Variants in RECQL5 observed in about 807,000 individuals in gnomAD.
The protein encoded by RECQL5 is RecQ like helicase 5, also known as ATP-dependent DNA helicase Q5.
A neutral mutation model predicts 103.4 loss-of-function variants in RECQL5; 88 were observed. That is an observed-to-expected ratio of 0.85 (90% CI 0.72 to 1.02). RECQL5 has a LOEUF of 1.02. Among genes scored for constraint, RECQL5 ranks in the 50% least tolerant of loss-of-function variants. The pLI, the probability that RECQL5 is intolerant of heterozygous loss-of-function variation, is 0.00. For synonymous variants in RECQL5, 552 were observed against 507.9 expected (o/e 1.09, Z -1.17); for missense variants, 1,232 against 1,284.3 (o/e 0.96, Z 0.62).
intron 2 of RECQL5, 59 bp from the exon 3 acceptor site, chr17:75,665,231 G>A (rs914212569): frequency 4.0e-6 from 6 of 1,517,724 alleles, no homozygotes; most frequent in Middle Eastern, 3.4e-4. Context: ...TGAAGTTGTT[G>A]AAAATTAAAT....
Position 75,640,422 on chromosome 17 carries a change from T to G in RECQL5, c.1230-8754A>C, listed in dbSNP as rs1599018319. On this transcript the variant is annotated intron_variant, in intron 8 of 19. Transcript: ENST00000317905. The surrounding 1 kb of genome is among the most constrained non-coding windows in gnomAD (Gnocchi z 4.6). ...CCAGAGGGCTGGCAGAGGTGGCGGG[T>G]GTCTGCCGGATCAAGGAGGAAAACC... is the stretch of plus-strand genomic sequence containing the variant. The G allele has an allele frequency of 3.9e-4, 555 of 1,436,352 alleles. No individual in the cohort carries two copies. The highest frequency in any genetic ancestry group is 4.6e-4 in the Non-Finnish European group (501 of 1,086,858). The allele number at this position is 1,436,352 out of a possible 1,614,324, so 89.0% of individuals were successfully genotyped here.
chr17:75,656,356 G>A (rs1213385246), intron 7 of RECQL5, among the ~76,000 whole-genome samples: 3 of 152,152 alleles, frequency 2.0e-5, no homozygotes, highest in Non-Finnish European at 4.4e-5. Context: ...GGGATTACAG[G>A]CGTGAGCCAC....
At chr17:75,644,540 G>A (rs570780991) in intron 8 of RECQL5, among the ~76,000 whole-genome samples, 2 of 151,570 alleles carry the variant, frequency 1.3e-5, no homozygotes, top group South Asian at 2.1e-4. Context: ...GGGCATGACA[G>A]TGGCACTGCA....
chr17:75,666,627 T>C (rs2059787560), intron 1 of RECQL5, 56 bp from the exon 2 acceptor site: 1 of 1,532,804 alleles, frequency 6.5e-7, no homozygotes, highest in East Asian at 2.3e-5. Context: ...CCCTCTGTTT[T>C]GCATTAAAAA....
chr17:75,631,357 T>C (rs950949397), intron 9 of RECQL5, 93 bp downstream of exon 9: 8 of 1,527,892 alleles, frequency 5.2e-6, no homozygotes, highest in African/African-American at 4.1e-5. Flanking sequence ...CAAGGGGGGA[T>C]TGCGGCATCG....
chr17:75,646,831 A>T (rs1444357790), intron 8 of RECQL5: 1 of 152,812 alleles, frequency 6.5e-6, no homozygotes, highest in East Asian at 1.9e-4. Context: ...TCACCTGGCT[A>T]TGGGCTTGCA....
rs576156310 is a variant in RECQL5, at chr17:75,662,272, G to A, written c.771+207C>T. On this transcript the variant is annotated intron_variant, in intron 4 of 19. Coordinates refer to ENST00000317905, the MANE Select transcript of RECQL5 (RefSeq NM_004259.7). ...GAGGCATCACACAGACTGGCTGGCTGCTTGCCTTCCACAGGATCCAGAACA... is the reference window on the plus strand; with the variant it reads ...GAGGCATCACACAGACTGGCTGGCTACTTGCCTTCCACAGGATCCAGAACA... 1.5e-4 allele frequency among the ~76,000 whole-genome samples: 23 copies of A among 152,334 alleles called. No homozygotes were observed. In the East Asian group the frequency reaches 4.2e-3, roughly 28 times the overall value.
Position 75,640,863 on chromosome 17 carries a change from G to A in RECQL5, c.1230-9195C>T, listed in dbSNP as rs1267191931. ...CACTGCTGCTGCCCTGAGCGGAGAG[G>A]CAGGAAGGTCCAGGTGCAGCCGACA... On this transcript the variant is annotated intron_variant, in intron 8 of 19. Coordinates refer to ENST00000317905, the MANE Select transcript of RECQL5 (RefSeq NM_004259.7). The surrounding 1 kb of genome is among the most constrained non-coding windows in gnomAD (Gnocchi z 4.6). The A allele has an allele frequency of 1.3e-6, 2 of 1,548,000 alleles. No individual in the cohort carries two copies. The highest frequency in any genetic ancestry group is 1.7e-6 in the Non-Finnish European group (2 of 1,146,990).
intron 8 of RECQL5, chr17:75,634,360 C>A (rs2059278946): frequency 1.8e-6 from 1 of 558,086 alleles, no homozygotes; most frequent in South Asian, 7.9e-5. Flanking sequence ...GCCTCCTGCA[C>A]ACACCTGCAC....
At chr17:75,635,807 G>A (rs1352304020) in intron 8 of RECQL5, 5 of 985,342 alleles carry the variant, frequency 5.1e-6, no homozygotes, top group South Asian at 4.7e-5. Context: ...AACACACCTC[G>A]CTTATCAGTC....
In RECQL5 at chr17:75,664,746, C is replaced by T. The variant is rs868304232; in HGVS notation, c.252+305G>A. On this transcript the variant is annotated intron_variant, in intron 3 of 19. Transcript: ENST00000317905. Reference sequence around the variant, plus strand: ...TGGCCAACATGGTGAAACCTCATCTCTACTAAAAATACAAAAATTAGCCGG... The same window carrying T: ...TGGCCAACATGGTGAAACCTCATCTTTACTAAAAATACAAAAATTAGCCGG... 2.6e-5 allele frequency among the ~76,000 whole-genome samples: 4 copies of T among 151,762 alleles called. No homozygotes were observed. In the Middle Eastern group the frequency reaches 0.01, roughly 387 times the overall value.
intron 7 of RECQL5, among the ~76,000 whole-genome samples, chr17:75,657,657 G>A (rs1476637087): frequency 6.7e-6 from 1 of 149,712 alleles, no homozygotes; most frequent in Non-Finnish European, 1.5e-5. Flanking sequence ...AAGGTGGGAA[G>A]ATTATTTATG....
Position 75,656,522 on chromosome 17 carries a change from A to AT in RECQL5, c.1149+1775dup, listed in dbSNP as rs547776703. On this transcript the variant is annotated intron_variant, in intron 7 of 19. Coordinates refer to ENST00000317905, the MANE Select transcript of RECQL5 (RefSeq NM_004259.7). ...ATGGTAATGTGGAGAAAAGCTACTG[A>AT]TTTTTTTTTTCCTTGGCTCTCATCT... Among the ~76,000 whole-genome samples, 238 of 145,758 alleles carry AT rather than the reference A, an allele frequency of 1.6e-3. 1 individual carries two copies. The highest frequency in any genetic ancestry group is 4.9e-3 in the African/African-American group (199 of 40,406).
intron 7 of RECQL5, among the ~76,000 whole-genome samples, chr17:75,656,865 C>T (rs1378431961): frequency 6.6e-6 from 1 of 151,588 alleles, no homozygotes. Context: ...CTGCCCCAAC[C>T]TCCCAAGTAG....
chr17:75,640,723 T>C lies in RECQL5; in HGVS notation c.1230-9055A>G. The C allele has an allele frequency of 2.0e-6, 3 of 1,523,030 alleles. No homozygotes were observed. Among genetic ancestry groups the C allele is most frequent in the Non-Finnish European group, 1.8e-6 (2 of 1,130,012 alleles). The allele number at this position is 1,523,030 out of a possible 1,614,324, so 94.3% of individuals were successfully genotyped here. ...AAGACCCTGGCAGGCAGTGGGTTTC[T>C]CTGGGAGGAGGGTGGGCATCCTTTC... On this transcript the variant is annotated intron_variant, in intron 8 of 19. Coordinates refer to ENST00000317905, the MANE Select transcript of RECQL5 (RefSeq NM_004259.7). The surrounding 1 kb of genome is among the most constrained non-coding windows in gnomAD (Gnocchi z 4.6).
At chr17:75,647,791 G>A in intron 8 of RECQL5, 2 of 509,156 alleles carry the variant, frequency 3.9e-6, no homozygotes, top group South Asian at 6.1e-5. Flanking sequence ...TGACCCTATT[G>A]TTTTTAGGGT....
chr17:75,634,223 A>G, intron 8 of RECQL5: 1 of 985,542 alleles, frequency 1.0e-6, no homozygotes, highest in South Asian at 4.7e-5. Flanking sequence ...ATGGCCACAG[A>G]AGAAGGGGGG....
intron 13 of RECQL5, 30 bp from the exon 14 acceptor site, chr17:75,630,307 A>G (rs1568257706): frequency 6.6e-7 from 1 of 1,525,186 alleles, no homozygotes; most frequent in South Asian, 1.2e-5. Context: ...GGCACAAGGT[A>G]TCAGGTGGGC....
At chr17:75,635,689 C>T in intron 8 of RECQL5, 1 of 652,912 alleles carries the variant, frequency 1.5e-6, no homozygotes, top group Non-Finnish European at 1.9e-6. Flanking sequence ...ATGCCTCCTT[C>T]TAGGTGGACC....
Sources: gnomAD v4.1 joint callset for allele counts (sites outside exome capture counted in the v4.1 genomes callset) on GRCh38, gnomAD v4.1.1 for gene constraint, Gnocchi (gnomAD v3.1) non-coding constraint, MANE v1.5 for transcripts, NCBI Gene and HGNC (gene_info 2026-07-23, HGNC 2026-07-21) for gene names.